The following R3HDM1 variants were observed in gnomAD, a reference collection of about 807,000 sequenced individuals.
R3HDM1 encodes the protein R3H domain-containing protein 1.
In R3HDM1, 46 loss-of-function variants were observed where a neutral mutation model predicts 141.1. The ratio of observed to expected loss-of-function variants is 0.33; its 90% CI spans 0.26 to 0.42. R3HDM1 has a LOEUF of 0.42. Among genes scored for constraint, R3HDM1 ranks in the 10% least tolerant of loss-of-function variants. R3HDM1 has a pLI of 1.00. For synonymous variants in R3HDM1, 435 were observed against 472.9 expected (o/e 0.92, Z 1.04); for missense variants, 1,184 against 1,368.3 (o/e 0.87, Z 2.12).
Position 135,636,328 on chromosome 2 carries a change from A to C in R3HDM1, c.903+145A>C. 4 of 1,361,242 alleles carry C rather than the reference A, an allele frequency of 2.9e-6. No individual in the cohort carries two copies. In the South Asian group the frequency reaches 5.4e-5, roughly 18 times the overall value. The allele number at this position is 1,361,242 out of a possible 1,614,324, so 84.3% of individuals were successfully genotyped here. A position where few individuals can be genotyped will look rare whatever the true frequency, so the allele number is the denominator to read the frequency against. On this transcript the variant is annotated intron_variant, in intron 11 of 26. Transcript: ENST00000683871. ...GTCATCTTTTAGAAATATTGAGATC[A>C]GTTTTGCTTGTGTTATTAATAGTTT... is the stretch of plus-strand genomic sequence containing the variant.
chr2:135,544,143 A>C (rs1698203442), intron 1 of R3HDM1, among the ~76,000 whole-genome samples: 1 of 152,258 alleles, frequency 6.6e-6, no homozygotes, highest in Non-Finnish European at 1.5e-5. Flanking sequence ...TAAAGAAATT[A>C]TGCTGTTTTC....
At chr2:135,712,834 T>C (rs1219869190) in intron 23 of R3HDM1, among the ~76,000 whole-genome samples, 1 of 151,852 alleles carries the variant, frequency 6.6e-6, no homozygotes, top group South Asian at 2.1e-4. Flanking sequence ...GGCAGGAGAA[T>C]GGCGTGAACC....
intron 1 of R3HDM1, among the ~76,000 whole-genome samples, chr2:135,580,101 C>G (rs1410100629): frequency 6.6e-6 from 1 of 151,922 alleles, no homozygotes; most frequent in Non-Finnish European, 1.5e-5. Context: ...TCTACAAAAA[C>G]TAGCCGGGCA....
Position 135,558,181 on chromosome 2 carries a change from G to A in R3HDM1, c.-250+26548G>A, listed in dbSNP as rs1038971257. Among the ~76,000 whole-genome samples the A allele has an allele frequency of 3.3e-5, 5 of 152,302 alleles. No homozygotes were observed. In the South Asian group the frequency reaches 6.2e-4, roughly 19 times the overall value. Reference sequence around the variant, plus strand: ...CACATTGGTACCATCCAATAGAGTTGTATACAGTGATGGAATTGTTTCGTA... The same window carrying A: ...CACATTGGTACCATCCAATAGAGTTATATACAGTGATGGAATTGTTTCGTA... On this transcript the variant is annotated intron_variant, in intron 1 of 26. Transcript: ENST00000683871.
chr2:135,544,805 T>G (rs1207063444), intron 1 of R3HDM1, among the ~76,000 whole-genome samples: 2 of 152,012 alleles, frequency 1.3e-5, no homozygotes, highest in Non-Finnish European at 1.5e-5. Flanking sequence ...CTACTAAAAA[T>G]ACAAAGAAAT....
In R3HDM1 at chr2:135,722,024, C is replaced by A; in HGVS notation, c.2964+18C>A. ...ACCAACAGGTAGGAAAGACAACTAA[C>A]CTCCTAGGCTTTGTTGCAGAACATC... On this transcript the variant is annotated intron_variant, in intron 25 of 26. Coordinates refer to ENST00000683871, the MANE Select transcript of R3HDM1 (RefSeq NM_001378107.1). 6.3e-7 allele frequency: 1 copy of A among 1,598,162 alleles called. No homozygotes were observed.
intron 11 of R3HDM1, among the ~76,000 whole-genome samples, chr2:135,637,694 G>A (rs987793477): frequency 6.6e-6 from 1 of 152,126 alleles, no homozygotes; most frequent in African/African-American, 2.4e-5. Flanking sequence ...TAGGAAGTGA[G>A]GAAAGTTTAG....
At chr2:135,662,291 G>A (rs1408667898) in intron 19 of R3HDM1, among the ~76,000 whole-genome samples, 2 of 152,204 alleles carry the variant, frequency 1.3e-5, no homozygotes, top group African/African-American at 4.8e-5. Context: ...TACTGCTCTT[G>A]ATATTGTGTG....
At chr2:135,534,183 T>C (rs1417205874) in intron 1 of R3HDM1, among the ~76,000 whole-genome samples, 1 of 152,232 alleles carries the variant, frequency 6.6e-6, no homozygotes, top group African/African-American at 2.4e-5. Context: ...AAATGGATTA[T>C]TGGGAATAAA....
In R3HDM1 at chr2:135,638,764, A is replaced by G; in HGVS notation, c.967A>G (p.Thr323Ala). 1 of 1,614,108 alleles carries G rather than the reference A, an allele frequency of 6.2e-7. No individual in the cohort carries two copies. The highest frequency in any genetic ancestry group is 8.5e-7 in the Non-Finnish European group (1 of 1,180,020). The change falls in exon 13 of 27, where the codon ACC (threonine) becomes GCC (alanine). Residue 323 changes from threonine to alanine, a missense_variant. Transcript: ENST00000683871. ...KRLQDEDASS[T>A]QQRRQIFRVN... ...ACTCCAAGACGAGGATGCCAGTAGT[A>G]CCCAGCAGAGGCGCCAGATATTTAG... is the stretch of plus-strand genomic sequence containing the variant.
chr2:135,648,055 C>G (rs1467922742), intron 16 of R3HDM1, among the ~76,000 whole-genome samples: 5 of 152,124 alleles, frequency 3.3e-5, no homozygotes, highest in African/African-American at 1.2e-4. Flanking sequence ...AAAGTTATGT[C>G]TTAATGGTTA....
In R3HDM1 at chr2:135,715,676, C is replaced by A. The variant is rs372993003; in HGVS notation, c.2863C>A (p.Pro955Thr). The change falls in exon 24 of 27, where the codon CCT becomes ACT. Residue 955 changes from proline to threonine, a missense_variant. Physicochemically the swap from Pro to Thr is conservative, Grantham distance 38. Around this residue, in one of 5 missense-constraint regions of R3HDM1, gnomAD observed 182 missense variants for 252.6 expected, o/e 0.72. Coordinates refer to ENST00000683871, the MANE Select transcript of R3HDM1 (RefSeq NM_001378107.1). Reference sequence around the variant, plus strand: ...TTCCATCATGCCCCAATTTTCTAGACCTTTTGTCCCCGGGCAAGGTAAGTG... The same window carrying A: ...TTCCATCATGCCCCAATTTTCTAGAACTTTTGTCCCCGGGCAAGGTAAGTG... ...PLSIMPQFSR[P>T]FVPGQGDSRY... The A allele has an allele frequency of 1.2e-5, 20 of 1,613,416 alleles. No individual in the cohort carries two copies. Among genetic ancestry groups the A allele is most frequent in the Non-Finnish European group, 1.6e-5 (19 of 1,179,764 alleles).
Position 135,531,572 on chromosome 2 carries a change from C to T in R3HDM1, c.-311C>T. 1 of 986,660 alleles carries T rather than the reference C, an allele frequency of 1.0e-6. No individual in the cohort carries two copies. Among genetic ancestry groups the T allele is most frequent in the Non-Finnish European group, 1.2e-6 (1 of 830,612 alleles). 61.1% of individuals were successfully genotyped at this position (986,660 alleles called of 1,614,324 possible). On this transcript the variant is annotated 5_prime_UTR_variant, in exon 1 of 27. Coordinates refer to ENST00000683871, the MANE Select transcript of R3HDM1 (RefSeq NM_001378107.1). The stretch of plus-strand genomic sequence containing the variant: ...TCGTAAGACTCTTACTTGCACCCAC[C>T]CAGCCCCGCCGTCGCCCCGCCGCGC...
intron 21 of R3HDM1, among the ~76,000 whole-genome samples, chr2:135,684,824 A>C (rs1415587786): frequency 1.4e-4 from 21 of 151,756 alleles, no homozygotes; most frequent in Admixed American, 1.4e-3. Context: ...GGGCAGTGGC[A>C]TGATCATGGC....
chr2:135,547,369 A>G (rs1698912459), intron 1 of R3HDM1, among the ~76,000 whole-genome samples: 1 of 152,170 alleles, frequency 6.6e-6, no homozygotes, highest in South Asian at 2.1e-4. Flanking sequence ...TTCTAGCACC[A>G]AAAATCAAAT....
intron 16 of R3HDM1, among the ~76,000 whole-genome samples, chr2:135,648,069 G>A (rs1229945435): frequency 6.6e-6 from 1 of 152,102 alleles, no homozygotes; most frequent in Non-Finnish European, 1.5e-5. Context: ...ATGGTTATCT[G>A]ACTTAATAAC....
chr2:135,706,054 G>A (rs1325368126), intron 21 of R3HDM1, among the ~76,000 whole-genome samples: 5 of 151,838 alleles, frequency 3.3e-5, no homozygotes, highest in Non-Finnish European at 7.4e-5. Flanking sequence ...GTATGAACCC[G>A]GGAGGCGGAG....
At chr2:135,655,622 T>G (rs987895603) in intron 18 of R3HDM1, among the ~76,000 whole-genome samples, 9 of 152,014 alleles carry the variant, frequency 5.9e-5, no homozygotes, top group African/African-American at 2.2e-4. Flanking sequence ...TTCTCCTGCC[T>G]CAGCCTCCCG....
intron 21 of R3HDM1, among the ~76,000 whole-genome samples, chr2:135,702,864 G>C (rs2105416028): frequency 6.6e-6 from 1 of 152,188 alleles, no homozygotes; most frequent in Non-Finnish European, 1.5e-5. Context: ...ACAGACTTAA[G>C]AGGTGGCAAA....
Sources: allele counts gnomAD v4.1 joint callset (sites outside exome capture counted in the v4.1 genomes callset), GRCh38; gene constraint gnomAD v4.1.1; regional missense constraint gnomAD v4.1.1; transcripts MANE v1.5; gene names NCBI Gene and HGNC (gene_info 2026-07-23, HGNC 2026-07-21).